Variants in EDNRA observed in about 807,000 individuals in gnomAD.
EDNRA encodes endothelin-1 receptor.
A neutral mutation model predicts 41.4 loss-of-function variants in EDNRA; 11 were observed. The observed-to-expected ratio is 0.27, with a 90% confidence interval of 0.17 to 0.44. The LOEUF is 0.44. Ranked by LOEUF, EDNRA falls within the 20% of genes least tolerant of loss-of-function variation. The pLI, the probability that EDNRA is intolerant of heterozygous loss-of-function variation, is 1.00. For synonymous variants in EDNRA, 172 were observed against 183.0 expected, an observed-to-expected ratio of 0.94 and a Z score of 0.49; for missense variants, 294 against 531.0, an observed-to-expected ratio of 0.55 and a Z score of 4.39.
chr4:147,523,636 G>A lies in EDNRA; in HGVS notation c.548+3658G>A, dbSNP rs1730420526. On this transcript the variant is annotated intron_variant, in intron 3 of 7. Transcript: ENST00000651419. ...TTCCCGAGTAGCTGGGACTACAGGT[G>A]CCCACCACCACGCCCGGCTTATTTT... Among the ~76,000 whole-genome samples the A allele has an allele frequency of 4.0e-5, 6 of 151,852 alleles. No individual in the cohort carries two copies. The South Asian group carries it at 1.3e-3, about 32-fold the overall frequency.
chr4:147,506,232 C>T lies in EDNRA; in HGVS notation c.421-13619C>T, dbSNP rs565574283. ...TCTTGCAAATATTCATGATATTGGCCGAAAAGCAGCTTCAGTCAGTGCTCA... is the reference window on the plus strand; with the variant it reads ...TCTTGCAAATATTCATGATATTGGCTGAAAAGCAGCTTCAGTCAGTGCTCA... On this transcript the variant is annotated intron_variant, in intron 2 of 7. Coordinates refer to ENST00000651419, the MANE Select transcript of EDNRA (RefSeq NM_001957.4). The T allele has an allele frequency of 1.9e-4, 99 of 515,888 alleles. 2 individuals are homozygous for T. The highest frequency in any genetic ancestry group is 7.4e-4 in the Admixed American group (37 of 50,126). The allele number at this position is 515,888 out of a possible 1,614,324, so 32.0% of individuals were successfully genotyped here.
intron 2 of EDNRA, among the ~76,000 whole-genome samples, chr4:147,514,208 C>T (rs903401567): frequency 1.3e-5 from 2 of 152,114 alleles, no homozygotes; most frequent in South Asian, 2.1e-4. Flanking sequence ...AGACTTACAA[C>T]GGGGAACTGG....
At chr4:147,487,954 A>G (rs1297090933) in intron 2 of EDNRA, 2 of 152,246 alleles carry the variant, frequency 1.3e-5, no homozygotes, top group African/African-American at 4.8e-5. Flanking sequence ...TTTATGATAT[A>G]CTATGTGCAC....
intron 5 of EDNRA, among the ~76,000 whole-genome samples, chr4:147,537,346 A>G (rs547992703): frequency 6.6e-6 from 1 of 152,236 alleles, no homozygotes; most frequent in East Asian, 1.9e-4. Flanking sequence ...TAGCAAGAAG[A>G]TTACATTGAG....
At chr4:147,536,195 A>G (rs188912551) in intron 5 of EDNRA, among the ~76,000 whole-genome samples, 166 bp downstream of exon 5, 7 of 152,282 alleles carry the variant, frequency 4.6e-5, no homozygotes, top group Admixed American at 3.9e-4. Context: ...TCTTTTGTAA[A>G]ATGGGAAACC....
chr4:147,517,342 T>C (rs548231030), intron 2 of EDNRA, among the ~76,000 whole-genome samples: 2 of 152,300 alleles, frequency 1.3e-5, no homozygotes, highest in South Asian at 4.1e-4. Flanking sequence ...ACACTTTGAA[T>C]GTAGGACTGC....
chr4:147,495,827 TG>T (rs1197749527), intron 2 of EDNRA: 12 of 152,206 alleles, frequency 7.9e-5, no homozygotes, highest in Admixed American at 7.9e-4. Flanking sequence ...CTTTTCTCCT[TG>T]GGGGTTTACC....
intron 2 of EDNRA, among the ~76,000 whole-genome samples, chr4:147,509,363 C>G (rs1314362696): frequency 6.6e-6 from 1 of 152,176 alleles, no homozygotes; most frequent in Non-Finnish European, 1.5e-5. Context: ...CAAATGTCAA[C>G]CAGTGAAAAA....
At position 147,542,571 on chromosome 4, in the gene EDNRA, A is replaced by AACAACC. The variant is rs753598737; in HGVS notation, c.1243_1248dup (p.His415_Asn416dup). 1 of 1,614,102 alleles carries AACAACC rather than the reference A, an allele frequency of 6.2e-7. No homozygotes were observed. Among genetic ancestry groups the AACAACC allele is most frequent in the South Asian group, 1.1e-5 (1 of 91,082 alleles). On this transcript the variant is annotated inframe_insertion, in exon 8 of 8. Coordinates refer to ENST00000651419, the MANE Select transcript of EDNRA (RefSeq NM_001957.4). ...CATCCAGTGGAAGAACCACGATCAAAACAACCACAACACAGACCGGAGCAG... is the reference window on the plus strand; with the variant it reads ...CATCCAGTGGAAGAACCACGATCAAAACAACCACAACCACAACACAGACCGGAGCAG...
chr4:147,490,755 T>G (rs1729110559), intron 2 of EDNRA: 1 of 152,156 alleles, frequency 6.6e-6, no homozygotes, highest in Non-Finnish European at 1.5e-5. Flanking sequence ...GGAGATGGGT[T>G]ATAATTTTGA....
intron 5 of EDNRA, among the ~76,000 whole-genome samples, chr4:147,539,247 A>G (rs757629156): frequency 7.2e-5 from 11 of 151,966 alleles, no homozygotes; most frequent in Non-Finnish European, 1.5e-4. Context: ...TATGTTCAAG[A>G]TCAGGAAAAG....
At chr4:147,520,605 G>A (rs1445564090) in intron 3 of EDNRA, among the ~76,000 whole-genome samples, 1 of 152,162 alleles carries the variant, frequency 6.6e-6, no homozygotes, top group South Asian at 2.1e-4. Flanking sequence ...TTTACCTTCT[G>A]GTTTTCATAG....
chr4:147,532,638 A>C lies in EDNRA; in HGVS notation c.681A>C (p.Val227=). Reference sequence around the variant, plus strand: ...CTGAAGCGATTGGCTTCGTCATGGTACCCTTTGAATATAGGGGTGAACAGC... The same window carrying C: ...CTGAAGCGATTGGCTTCGTCATGGTCCCCTTTGAATATAGGGGTGAACAGC... ...AIPEAIGFVM[V]PFEYRGEQHK... The change falls in exon 4 of 8, where the codon GTA becomes GTC. Residue 227 remains valine (V), a synonymous_variant. Coordinates refer to ENST00000651419, the MANE Select transcript of EDNRA (RefSeq NM_001957.4). 2 of 1,614,066 alleles carry C rather than the reference A, an allele frequency of 1.2e-6. No homozygotes were observed. The highest frequency in any genetic ancestry group is 3.3e-5 in the Admixed American group (2 of 60,000).
intron 3 of EDNRA, among the ~76,000 whole-genome samples, 181 bp from the exon 4 acceptor site, chr4:147,532,325 C>CAAAAAAAAAAAAAAAAAAAAAAA (rs59851236): frequency 1.7e-5 from 1 of 60,388 alleles, no homozygotes; most frequent in African/African-American, 6.3e-5. Context: ...GATTTTGCCT[C>CAAAAAAAAAAAAAAAAAAAAAAA]AAAAAAAAAA....
chr4:147,499,562 A>G (rs1729436277), intron 2 of EDNRA, among the ~76,000 whole-genome samples: 1 of 152,168 alleles, frequency 6.6e-6, no homozygotes, highest in South Asian at 2.1e-4. Flanking sequence ...TGGCAACCAC[A>G]ATTCACATGT....
At chr4:147,491,834 ATG>A (rs1191825497) in intron 2 of EDNRA, 1 of 152,232 alleles carries the variant, frequency 6.6e-6, no homozygotes, top group East Asian at 1.9e-4. Context: ...AAGAGAGAAA[ATG>A]TGTCCCTTGA....
At position 147,535,728 on chromosome 4, in the gene EDNRA, C is replaced by T. The variant is rs566593565; in HGVS notation, c.748-149C>T. 22 of 886,428 alleles carry T rather than the reference C, an allele frequency of 2.5e-5. No homozygotes were observed. In the African/African-American group the frequency reaches 3.4e-4, roughly 14 times the overall value. 54.9% of individuals were successfully genotyped at this position (886,428 alleles called of 1,614,324 possible). A position where few individuals can be genotyped will look rare whatever the true frequency, so the allele number is the denominator to read the frequency against. ...TTCCAACTGAATTGAGTTTTGAGCC[C>T]CACTCCCAAACCCATCACTGCAACC... On this transcript the variant is annotated intron_variant, in intron 4 of 7. Coordinates refer to ENST00000651419, the MANE Select transcript of EDNRA (RefSeq NM_001957.4).
chr4:147,505,112 T>C (rs564132603), intron 2 of EDNRA, among the ~76,000 whole-genome samples: 1 of 150,208 alleles, frequency 6.7e-6, no homozygotes, highest in Admixed American at 6.7e-5. Flanking sequence ...GATAGGCACA[T>C]GAAAAGATGT....
chr4:147,513,155 T>C (rs563942720), intron 2 of EDNRA, among the ~76,000 whole-genome samples: 12 of 152,324 alleles, frequency 7.9e-5, no homozygotes, highest in African/African-American at 2.2e-4. Flanking sequence ...TCTGAGCTAC[T>C]ATGCCAAGCC....
Sources: gnomAD v4.1 joint callset for allele counts (sites outside exome capture counted in the v4.1 genomes callset) on GRCh38, gnomAD v4.1.1 for gene constraint, MANE v1.5 for transcripts, NCBI Gene and HGNC (gene_info 2026-07-23, HGNC 2026-07-21) for gene names.